FAM13C: variants seen among roughly 807,000 people sequenced by gnomAD.
The protein encoded by FAM13C is family with sequence similarity 13 member C.
A neutral mutation model predicts 73.2 loss-of-function variants in FAM13C; 37 were observed. That is an observed-to-expected ratio of 0.51 (90% CI 0.39 to 0.67). FAM13C has a LOEUF of 0.67. Ranked by LOEUF, FAM13C falls within the 30% of genes least tolerant of loss-of-function variation. The pLI is 0.00. For missense variants in FAM13C, 589 were observed against 715.6 expected, an observed-to-expected ratio of 0.82 and a Z score of 2.02; for synonymous variants, 246 against 260.9, an observed-to-expected ratio of 0.94 and a Z score of 0.55.
chr10:59,308,438 T>C (rs1002010685), intron 4 of FAM13C, among the ~76,000 whole-genome samples: 5 of 148,442 alleles, frequency 3.4e-5, no homozygotes, highest in African/African-American at 1.3e-4. Context: ...ACAATCACCA[T>C]CATCACCATC....
chr10:59,306,850 G>T (rs1316220901), intron 4 of FAM13C, among the ~76,000 whole-genome samples: 1 of 152,138 alleles, frequency 6.6e-6, no homozygotes, highest in Non-Finnish European at 1.5e-5. Context: ...CTCTAGCCTG[G>T]GTGACAGGCA....
intron 10 of FAM13C, among the ~76,000 whole-genome samples, chr10:59,258,221 C>T (rs904877566): frequency 6.6e-6 from 1 of 152,148 alleles, no homozygotes; most frequent in Non-Finnish European, 1.5e-5. Context: ...TGGTGGCTCA[C>T]TCCTGTAATC....
intron 13 of FAM13C, among the ~76,000 whole-genome samples, chr10:59,250,344 T>G (rs1043123910): frequency 1.3e-4 from 20 of 152,230 alleles, no homozygotes; most frequent in Non-Finnish European, 1.6e-4. Flanking sequence ...AAATGCTTTA[T>G]ATTCTAAATT....
In FAM13C at chr10:59,360,759, T is replaced by G. The variant is rs1450945241; in HGVS notation, c.62+1640A>C. ...TAAATCACTGTCACTCCTCTGAAAG[T>G]AAAAACATGATCTTATGCAATCAGA... On this transcript the variant is annotated intron_variant, in intron 1 of 13. Coordinates refer to ENST00000618804, the MANE Select transcript of FAM13C (RefSeq NM_198215.4). 1.6e-4 allele frequency among the ~76,000 whole-genome samples: 22 copies of G among 140,342 alleles called. No individual in the cohort carries two copies. The Admixed American group carries it at 1.8e-3, about 11-fold the overall frequency. The allele number at this position is 140,342 out of a possible 152,430, so 92.1% of individuals were successfully genotyped here.
chr10:59,282,991 AAAG>A, intron 6 of FAM13C, among the ~76,000 whole-genome samples: 1 of 152,282 alleles, frequency 6.6e-6, no homozygotes, highest in South Asian at 2.1e-4. Context: ...AACACATCAA[AAAG>A]AAGAATTTCA....
intron 3 of FAM13C, among the ~76,000 whole-genome samples, chr10:59,344,627 A>G (rs936586202): frequency 5.9e-5 from 9 of 152,114 alleles, no homozygotes; most frequent in African/African-American, 9.7e-5. Flanking sequence ...TTACGTTTAT[A>G]TCATTAACTT....
At chr10:59,270,168 TG>T in intron 6 of FAM13C, 59 bp from the exon 7 acceptor site, 1 of 1,504,276 alleles carries the variant, frequency 6.6e-7, no homozygotes, top group Non-Finnish European at 9.1e-7. Flanking sequence ...GAGACTGTCA[TG>T]TTCCTAAATA....
intron 3 of FAM13C, among the ~76,000 whole-genome samples, chr10:59,344,436 G>A (rs1428883179): frequency 4.4e-4 from 54 of 123,466 alleles, no homozygotes; most frequent in African/African-American, 1.4e-3. Flanking sequence ...CCGCCACCAC[G>A]CACGGCTGAT....
chr10:59,348,964 T>A (rs1854672243), intron 3 of FAM13C, among the ~76,000 whole-genome samples: 1 of 152,196 alleles, frequency 6.6e-6, no homozygotes, highest in Non-Finnish European at 1.5e-5. Context: ...ATCTTGAGGT[T>A]TTTTTTCTCT....
chr10:59,303,255 G>A (rs1172893920), intron 4 of FAM13C, among the ~76,000 whole-genome samples: 7 of 152,016 alleles, frequency 4.6e-5, no homozygotes, highest in Non-Finnish European at 2.9e-5. Context: ...CAGCTCACAG[G>A]GCACCTCCCC....
intron 5 of FAM13C, chr10:59,283,684 G>T: frequency 1.7e-6 from 1 of 601,396 alleles, no homozygotes. Context: ...CATTCCACAT[G>T]CAGGCTGAGT....
chr10:59,272,965 A>T (rs1843886848), intron 6 of FAM13C, among the ~76,000 whole-genome samples: 1 of 152,140 alleles, frequency 6.6e-6, no homozygotes, highest in African/African-American at 2.4e-5. Flanking sequence ...AACAACAACA[A>T]CTAACAATAA....
chr10:59,350,564 A>G (rs1408394075), intron 3 of FAM13C, among the ~76,000 whole-genome samples: 8 of 152,240 alleles, frequency 5.3e-5, no homozygotes, highest in African/African-American at 1.9e-4. Flanking sequence ...CAAGCTTATC[A>G]TAACTCAAAT....
intron 1 of FAM13C, among the ~76,000 whole-genome samples, chr10:59,358,451 T>G (rs866804789): frequency 1.3e-5 from 2 of 152,202 alleles, no homozygotes. Flanking sequence ...ACTCTGTCCA[T>G]CTCATGGAAA....
chr10:59,319,277 G>C (rs1258991863), intron 4 of FAM13C, among the ~76,000 whole-genome samples: 4 of 152,294 alleles, frequency 2.6e-5, no homozygotes, highest in African/African-American at 9.6e-5. Flanking sequence ...CATTATCCTT[G>C]CTAAGGATCT....
intron 3 of FAM13C, among the ~76,000 whole-genome samples, chr10:59,336,368 A>C (rs569560669): frequency 1.1e-4 from 17 of 152,244 alleles, no homozygotes; most frequent in Non-Finnish European, 2.5e-4. Context: ...TGTGAATCTT[A>C]GGATGGATGA....
chr10:59,327,752 C>G (rs1851373962), intron 3 of FAM13C: 1 of 152,036 alleles, frequency 6.6e-6, no homozygotes, highest in Non-Finnish European at 1.5e-5. Flanking sequence ...AAAAAAACCC[C>G]ACTATTATAT....
chr10:59,351,402 A>C (rs1813768274), intron 3 of FAM13C, among the ~76,000 whole-genome samples: 1 of 152,050 alleles, frequency 6.6e-6, no homozygotes, highest in African/African-American at 2.4e-5. Flanking sequence ...TTCTTATACA[A>C]AAAAAGTTTT....
At chr10:59,273,054 T>C (rs892234108) in intron 6 of FAM13C, among the ~76,000 whole-genome samples, 1 of 152,166 alleles carries the variant, frequency 6.6e-6, no homozygotes, top group Non-Finnish European at 1.5e-5. Context: ...TGTACTGCAC[T>C]GTGGGCACCT....
Sources: gnomAD v4.1 joint callset for allele counts (sites outside exome capture counted in the v4.1 genomes callset) on GRCh38, gnomAD v4.1.1 for gene constraint, MANE v1.5 for transcripts, NCBI Gene and HGNC (gene_info 2026-07-23, HGNC 2026-07-21) for gene names.